CCDC33: variants seen among roughly 807,000 people sequenced by gnomAD.
The protein encoded by CCDC33 is coiled-coil domain-containing protein 33.
A neutral mutation model predicts 91.9 loss-of-function variants in CCDC33; 94 were observed. That is an observed-to-expected ratio of 1.02 (90% CI 0.87 to 1.21). CCDC33 has a LOEUF of 1.21. Ranked by LOEUF, CCDC33 falls within the 50% of genes most tolerant of loss-of-function variation. The probability of loss-of-function intolerance (pLI) is 0.00; values close to 1 mark genes in which losing one functional copy is unlikely to be tolerated. For synonymous variants in CCDC33, 396 were observed against 374.5 expected (o/e 1.06, Z -0.66); for missense variants, 940 against 935.5 (o/e 1.00, Z -0.06).
intron 11 of CCDC33, chr15:74,303,217 G>C (rs1362942137): frequency 6.6e-6 from 1 of 152,436 alleles, no homozygotes; most frequent in South Asian, 2.1e-4. Context: ...TCAGCCTAGG[G>C]TGGTGACATT....
chr15:74,255,169 T>A (rs1247654840), intron 2 of CCDC33, among the ~76,000 whole-genome samples: 1 of 150,756 alleles, frequency 6.6e-6, no homozygotes, highest in East Asian at 1.9e-4. Flanking sequence ...CACCTGCCAA[T>A]ATACGTCTCC....
intron 2 of CCDC33, among the ~76,000 whole-genome samples, chr15:74,219,904 G>A (rs1286409830): frequency 6.6e-6 from 1 of 152,154 alleles, no homozygotes; most frequent in East Asian, 1.9e-4. Context: ...AGAGATTGGA[G>A]CCAGAAGTTG....
At chr15:74,318,252 G>A (rs1403885890) in intron 11 of CCDC33, among the ~76,000 whole-genome samples, 3 of 152,118 alleles carry the variant, frequency 2.0e-5, no homozygotes, top group African/African-American at 4.8e-5. Context: ...GAAGAGCGGA[G>A]GGAGTTGAGG....
intron 1 of CCDC33, among the ~76,000 whole-genome samples, chr15:74,203,543 C>T (rs1248413811): frequency 3.3e-5 from 5 of 152,262 alleles, no homozygotes; most frequent in African/African-American, 1.2e-4. Flanking sequence ...CAATACCCTA[C>T]AAGGGGCTTC....
chr15:74,284,293 G>A (rs2059430580), intron 10 of CCDC33, among the ~76,000 whole-genome samples: 3 of 152,176 alleles, frequency 2.0e-5, no homozygotes, highest in Admixed American at 2.0e-4. Flanking sequence ...TGGCAGCCAT[G>A]GACCTCATTT....
rs2060235243 is a variant in CCDC33 at position 74,322,916 on chromosome 15, C to A, written c.1291-7273C>A. On this transcript the variant is annotated intron_variant, in intron 11 of 18. Transcript: ENST00000398814. ...TGGTCCAGCAAACCCACCCTCTGCA[C>A]CCACTTCAACACTAGCCAGACTGCC... Among the ~76,000 whole-genome samples the A allele has an allele frequency of 2.6e-5, 4 of 152,140 alleles. No homozygotes were observed. The South Asian group carries it at 8.3e-4, about 32-fold the overall frequency.
In CCDC33 at chr15:74,271,713, G is replaced by A. The variant is rs77562762; in HGVS notation, c.557G>A (p.Arg186Gln). The A allele has an allele frequency of 5.6e-3, 9,050 of 1,613,310 alleles. 455 individuals are homozygous for A. In the African/African-American group the frequency reaches 0.11, roughly 19 times the overall value. Residue 186 changes from arginine (R) to glutamine (Q), a missense_variant, in exon 6 of 19, where the codon CGG (arginine) becomes CAG (glutamine). Arg to Gln is a conservative substitution (Grantham distance 43, BLOSUM62 1). Coordinates refer to ENST00000398814, the MANE Select transcript of CCDC33 (RefSeq NM_025055.5). Reference protein sequence around the residue: ...CNHMALEIFLRGVNEPLANNP... With the variant: ...CNHMALEIFLQGVNEPLANNP... ...TCCTCTCCTCTCCAGATCTTTCTCC[G>A]GGGAGTCAACGAGCCCCTGGCCAAC...
Position 74,334,421 on chromosome 15 carries a change from T to A in CCDC33, c.2025+454T>A, listed in dbSNP as rs1040544225. On this transcript the variant is annotated intron_variant, in intron 17 of 18. Transcript: ENST00000398814. ...GTGTGACCAGGGTTAGGGTTCAGTG[T>A]GTGACCAGGGTCAGGGTTCAGTGTA... is the stretch of plus-strand genomic sequence containing the variant. 3.3e-5 allele frequency among the ~76,000 whole-genome samples: 5 copies of A among 150,828 alleles called. No individual in the cohort carries two copies. The East Asian group carries it at 9.8e-4, about 30-fold the overall frequency.
chr15:74,248,816 G>A (rs902007859), intron 2 of CCDC33, among the ~76,000 whole-genome samples: 3 of 152,042 alleles, frequency 2.0e-5, no homozygotes, highest in Non-Finnish European at 4.4e-5. Flanking sequence ...TAAGCCACTG[G>A]TTGGCTTCCA....
chr15:74,287,529 C>A (rs1027741117), intron 10 of CCDC33, among the ~76,000 whole-genome samples: 3 of 152,174 alleles, frequency 2.0e-5, no homozygotes, highest in Non-Finnish European at 2.9e-5. Flanking sequence ...TAGAGCTGGG[C>A]GTGGTGGCTC....
rs1386997061 is a variant in CCDC33, at chr15:74,209,416, GGGAACCACCAGCTC to G, written n.121_134del. 2.0e-6 allele frequency: 3 copies of G among 1,535,518 alleles called. No individual in the cohort carries two copies. In the African/African-American group the frequency reaches 4.1e-5, roughly 21 times the overall value. On this transcript the variant is annotated non_coding_transcript_exon_variant, in exon 2 of 4. Transcript: ENST00000558645. ...GCCACTGCCTGATGAATTGCCAGAG[GGGAACCACCAGCTC>G]GGCTCTTAATAACCGGATCTGCATC...
At chr15:74,213,271 A>G (rs982490806), upstream of CCDC33, 4 of 152,042 alleles carry the variant, frequency 2.6e-5, no homozygotes, top group Non-Finnish European at 4.4e-5. Flanking sequence ...ATTGTAGGTC[A>G]GACCTCCATT....
chr15:74,217,480 C>G lies in CCDC33; in HGVS notation c.209C>G (p.Pro70Arg), dbSNP rs544877518. 1.5e-5 allele frequency: 19 copies of G among 1,289,716 alleles called. No individual in the cohort carries two copies. In the East Asian group the frequency reaches 8.3e-4, roughly 56 times the overall value. 79.9% of individuals were successfully genotyped at this position (1,289,716 alleles called of 1,614,324 possible). A position where few individuals can be genotyped will look rare whatever the true frequency, so the allele number is the denominator to read the frequency against. The change falls in exon 1 of 3, where the codon CCC becomes CGC. Residue 70 changes from proline (P) to arginine (R), a missense_variant. By Grantham distance (103) the Pro-to-Arg change is moderately radical. Transcript: ENST00000635913. The stretch of plus-strand genomic sequence containing the variant: ...CAGTTGCAAGTGAATGATGGGGACC[C>G]CTTCCCTGCCTGCTCTGCTATCACT...
intron 11 of CCDC33, chr15:74,301,810 T>TCCTGTCTCTCTC (rs1430178557): frequency 6.6e-6 from 1 of 152,088 alleles, no homozygotes; most frequent in African/African-American, 2.4e-5. Flanking sequence ...TCCCTCCTCT[T>TCCTGTCTCTCTC]CCTGTCTCTC....
intron 5 of CCDC33, 143 bp downstream of exon 5, chr15:74,268,601 G>A (rs2076234934): frequency 1.6e-6 from 1 of 615,202 alleles, no homozygotes; most frequent in Non-Finnish European, 2.9e-6. Context: ...AAGCAACCAG[G>A]CCTTTCCAAA....
At chr15:74,276,585 A>G (rs536258596) in intron 7 of CCDC33, among the ~76,000 whole-genome samples, 80 of 152,182 alleles carry the variant, frequency 5.3e-4, no homozygotes, top group Non-Finnish European at 9.4e-4. Flanking sequence ...AGGAGCAGCC[A>G]GGGCATCCCC....
chr15:74,290,976 T>C (rs2059573552), intron 10 of CCDC33, among the ~76,000 whole-genome samples: 1 of 152,222 alleles, frequency 6.6e-6, no homozygotes, highest in Non-Finnish European at 1.5e-5. Context: ...ACTTTCATAC[T>C]AAAATCCCCA....
intron 11 of CCDC33, among the ~76,000 whole-genome samples, chr15:74,309,839 A>T (rs2059958927): frequency 6.6e-6 from 1 of 152,178 alleles, no homozygotes; most frequent in African/African-American, 2.4e-5. Context: ...GACTTTAAGT[A>T]TGAGGGGAAC....
intron 10 of CCDC33, among the ~76,000 whole-genome samples, chr15:74,289,160 A>G (rs2059537067): frequency 6.6e-6 from 1 of 152,186 alleles, no homozygotes; most frequent in Non-Finnish European, 1.5e-5. Context: ...TAAGGACATC[A>G]GGAGGCCTTG....
Sources: gnomAD v4.1 joint callset for allele counts (sites outside exome capture counted in the v4.1 genomes callset) on GRCh38, gnomAD v4.1.1 for gene constraint, MANE v1.5 for transcripts, NCBI Gene and HGNC (gene_info 2026-07-23, HGNC 2026-07-21) for gene names.